The following PPM1E variants were observed in gnomAD, a reference collection of about 807,000 sequenced individuals.
The protein encoded by PPM1E is protein phosphatase, Mg2+/Mn2+ dependent 1E, also known as protein phosphatase 1E.
In PPM1E, 20 loss-of-function variants were observed where a neutral mutation model predicts 65.9. The observed-to-expected ratio is 0.30, with a 90% CI of 0.21 to 0.44. PPM1E has a LOEUF of 0.44. Among genes scored for constraint, PPM1E ranks in the 20% least tolerant of loss-of-function variants. PPM1E has a pLI of 1.00. For synonymous variants in PPM1E, 352 were observed against 374.9 expected, an observed-to-expected ratio of 0.94 and a Z score of 0.70; for missense variants, 713 against 953.1, an observed-to-expected ratio of 0.75 and a Z score of 3.32.
At chr17:58,913,093 A>C (rs1354046075) in intron 1 of PPM1E, among the ~76,000 whole-genome samples, 1 of 152,142 alleles carries the variant, frequency 6.6e-6, no homozygotes, top group Admixed American at 6.6e-5. Context: ...TCTGTAAGCT[A>C]CTCTAGCAAA....
intron 1 of PPM1E, among the ~76,000 whole-genome samples, chr17:58,904,742 C>A (rs2051536241): frequency 6.6e-6 from 1 of 151,794 alleles, no homozygotes; most frequent in Admixed American, 6.6e-5. Flanking sequence ...TTTATACCTA[C>A]ATGTTTCATT....
chr17:58,915,994 T>C (rs1029712987), intron 1 of PPM1E, among the ~76,000 whole-genome samples: 1 of 152,204 alleles, frequency 6.6e-6, no homozygotes, highest in Non-Finnish European at 1.5e-5. Context: ...AGTTTTTCCA[T>C]TTAAATTGTG....
intron 1 of PPM1E, among the ~76,000 whole-genome samples, chr17:58,765,542 T>A (rs1163100887): frequency 2.0e-5 from 3 of 152,064 alleles, no homozygotes; most frequent in Non-Finnish European, 4.4e-5. Flanking sequence ...CAATGACAAG[T>A]TTGAAGTATA....
chr17:58,882,794 A>C (rs558022081), intron 1 of PPM1E, among the ~76,000 whole-genome samples: 1 of 152,132 alleles, frequency 6.6e-6, no homozygotes, highest in Non-Finnish European at 1.5e-5. Context: ...TTATTTAACC[A>C]TACTGAACTG....
chr17:58,794,697 G>C (rs910222971), intron 1 of PPM1E, among the ~76,000 whole-genome samples: 5 of 152,056 alleles, frequency 3.3e-5, no homozygotes, highest in South Asian at 2.1e-4. Flanking sequence ...GTTCGCTTAG[G>C]ATAATGGCCT....
chr17:58,811,711 G>T (rs1011304308), intron 1 of PPM1E, among the ~76,000 whole-genome samples: 3 of 151,570 alleles, frequency 2.0e-5, no homozygotes, highest in Non-Finnish European at 4.4e-5. Flanking sequence ...TCACTCAGTC[G>T]CCAGGCCGGA....
chr17:58,895,754 G>A (rs544214864), intron 1 of PPM1E, among the ~76,000 whole-genome samples: 12 of 152,122 alleles, frequency 7.9e-5, no homozygotes, highest in African/African-American at 2.2e-4. Context: ...AGACTAAAGC[G>A]AACCATAGCG....
intron 1 of PPM1E, among the ~76,000 whole-genome samples, chr17:58,881,586 C>A (rs969461955): frequency 6.6e-6 from 1 of 151,988 alleles, no homozygotes; most frequent in African/African-American, 2.4e-5. Flanking sequence ...TGCCTGAACC[C>A]GGGAGGTGGA....
chr17:58,774,905 T>G (rs1035212212), intron 1 of PPM1E, among the ~76,000 whole-genome samples: 1 of 151,690 alleles, frequency 6.6e-6, no homozygotes, highest in African/African-American at 2.4e-5. Context: ...CAGGCTGGAG[T>G]GCAGTGGCGT....
chr17:58,923,870 C>T (rs1465187329), intron 1 of PPM1E, among the ~76,000 whole-genome samples: 1 of 149,650 alleles, frequency 6.7e-6, no homozygotes, highest in Non-Finnish European at 1.5e-5. Flanking sequence ...GCTATGCTTG[C>T]ATCACTTTAC....
intron 1 of PPM1E, among the ~76,000 whole-genome samples, chr17:58,904,663 G>A (rs1338111982): frequency 1.3e-5 from 2 of 152,024 alleles, no homozygotes; most frequent in African/African-American, 4.8e-5. Flanking sequence ...CATTAATTTA[G>A]TTCTTTGATT....
At position 58,780,004 on chromosome 17, in the gene PPM1E, G is replaced by A. The variant is rs541517867; in HGVS notation, c.464+23543G>A. 7.2e-5 allele frequency among the ~76,000 whole-genome samples: 11 copies of A among 152,258 alleles called. No individual in the cohort carries two copies. The South Asian group carries it at 2.3e-3, about 32-fold the overall frequency. ...CTTTCCCATTATTAATGAAGATTGTGATGCTTCCAATTTTTTGTGTTACAA... is the reference window on the plus strand; with the variant it reads ...CTTTCCCATTATTAATGAAGATTGTAATGCTTCCAATTTTTTGTGTTACAA... On this transcript the variant is annotated intron_variant, in intron 1 of 6. Transcript: ENST00000308249.
intron 1 of PPM1E, among the ~76,000 whole-genome samples, chr17:58,831,177 A>AT (rs766313999): frequency 6.6e-6 from 1 of 151,574 alleles, no homozygotes; most frequent in Non-Finnish European, 1.5e-5. Flanking sequence ...CACCCAGCTA[A>AT]TTTTTTGTAT....
chr17:58,787,798 T>C (rs1308288286), intron 1 of PPM1E, among the ~76,000 whole-genome samples: 1 of 150,622 alleles, frequency 6.6e-6, no homozygotes. Context: ...TCCCAGCTAC[T>C]CGGGAGGCTG....
intron 1 of PPM1E, among the ~76,000 whole-genome samples, chr17:58,919,513 C>T (rs569135375): frequency 1.6e-4 from 24 of 152,176 alleles, no homozygotes; most frequent in African/African-American, 4.6e-4. Flanking sequence ...AGGCTGGGCA[C>T]GGTGGCTCAC....
At chr17:58,943,670 T>A (rs543533637) in intron 1 of PPM1E, among the ~76,000 whole-genome samples, 1 of 152,274 alleles carries the variant, frequency 6.6e-6, no homozygotes, top group East Asian at 1.9e-4. Context: ...TTGTTAAATA[T>A]GAAGATTCAC....
intron 1 of PPM1E, among the ~76,000 whole-genome samples, chr17:58,811,694 CAG>C (rs1253414050): frequency 6.6e-6 from 1 of 151,328 alleles, no homozygotes; most frequent in African/African-American, 2.4e-5. Context: ...TTTTTTGAGA[CAG>C]AGTCTCACTC....
In PPM1E at chr17:58,955,734, C is replaced by G; in HGVS notation, c.550C>G (p.Pro184Ala). Reference protein sequence around the residue: ...LQSDLSAHYIPKETDGTEGTV... With the variant: ...LQSDLSAHYIAKETDGTEGTV... ...GAGTGATCTTTCTGCACATTATATC[C>G]CAAAGGAAACGGATGGCACAGAAGG... Residue 184 changes from proline (P) to alanine (A), a missense_variant, in exon 2 of 7, where the codon CCA becomes GCA. Around this residue, in one of 6 missense-constraint regions of PPM1E, gnomAD observed 84 missense variants for 113.9 expected, o/e 0.74. Transcript: ENST00000308249. 1 of 1,611,660 alleles carries G rather than the reference C, an allele frequency of 6.2e-7. No homozygotes were observed. The highest frequency in any genetic ancestry group is 8.5e-7 in the Non-Finnish European group (1 of 1,179,438).
At chr17:58,874,359 T>C (rs888988218) in intron 1 of PPM1E, among the ~76,000 whole-genome samples, 2 of 152,216 alleles carry the variant, frequency 1.3e-5, no homozygotes, top group African/African-American at 4.8e-5. Flanking sequence ...ATGTATGGTC[T>C]GGTCATTGTC....
Sources: allele counts gnomAD v4.1 joint callset (sites outside exome capture counted in the v4.1 genomes callset), GRCh38; gene constraint gnomAD v4.1.1; regional missense constraint gnomAD v4.1.1; transcripts MANE v1.5; gene names NCBI Gene and HGNC (gene_info 2026-07-23, HGNC 2026-07-21).